The following IMMP2L variants were observed in gnomAD, a reference collection of about 807,000 sequenced individuals.
IMMP2L encodes the protein mitochondrial inner membrane protease subunit 2.
A neutral mutation model predicts 19.3 loss-of-function variants in IMMP2L; 18 were observed. The observed-to-expected ratio is 0.93, with a 90% CI of 0.64 to 1.38. The LOEUF is 1.38. IMMP2L is among the 40% of genes most tolerant of loss of function. The pLI is 0.00. For synonymous variants in IMMP2L, 76 were observed against 73.0 expected (o/e 1.04, Z -0.21); for missense variants, 233 against 218.2 (o/e 1.07, Z -0.43).
intron 3 of IMMP2L, among the ~76,000 whole-genome samples, chr7:111,101,287 C>A (rs974503691): frequency 6.6e-6 from 1 of 151,310 alleles, no homozygotes; most frequent in African/African-American, 2.4e-5. Flanking sequence ...ATAGATACAT[C>A]CCTAGTCATT....
At chr7:111,395,212 C>T (rs1832748788) in intron 3 of IMMP2L, among the ~76,000 whole-genome samples, 1 of 152,096 alleles carries the variant, frequency 6.6e-6, no homozygotes, top group Non-Finnish European at 1.5e-5. Context: ...GCAGGTGTGG[C>T]CAATTGCCTC....
chr7:110,871,733 T>A (rs2129543873), intron 5 of IMMP2L, among the ~76,000 whole-genome samples: 1 of 152,292 alleles, frequency 6.6e-6, no homozygotes, highest in East Asian at 1.9e-4. Context: ...AGAACTTTAA[T>A]AGTTCTTAAT....
Position 111,521,313 on chromosome 7 carries a change from C to T in IMMP2L, c.135G>A (p.Gln45=), listed in dbSNP as rs756203957. 8 of 1,610,768 alleles carry T rather than the reference C, an allele frequency of 5.0e-6. No homozygotes were observed. The South Asian group carries it at 7.7e-5, about 16-fold the overall frequency. The change falls in exon 2 of 6, where the codon CAG becomes CAA. Residue 45 remains glutamine (Q), a splice_region_variant and synonymous_variant. Transcript: ENST00000405709. ...CVARVEGASM[Q]PSLNPGGSQS... ...AAGAACGAAGTTATATCATTTTCAC[C>T]TGCATCGATGCTCCTTCTACTCTTG... is the stretch of plus-strand genomic sequence containing the variant.
chr7:111,437,551 G>A (rs766637625), intron 3 of IMMP2L, among the ~76,000 whole-genome samples: 4 of 151,836 alleles, frequency 2.6e-5, no homozygotes, highest in Non-Finnish European at 4.4e-5. Flanking sequence ...ACGCAAAAAC[G>A]ATAACGTCTA....
chr7:111,350,545 T>A (rs550022207), intron 3 of IMMP2L, among the ~76,000 whole-genome samples: 1 of 152,040 alleles, frequency 6.6e-6, no homozygotes, highest in Admixed American at 6.6e-5. Context: ...TCTAGGCATA[T>A]AATAATTATC....
chr7:110,834,725 T>C, intron 5 of IMMP2L, among the ~76,000 whole-genome samples: 1 of 152,308 alleles, frequency 6.6e-6, no homozygotes, highest in South Asian at 2.1e-4. Context: ...GTGCAAAGTA[T>C]GAAAGTAGAC....
At chr7:111,209,704 C>A (rs754659919) in intron 3 of IMMP2L, among the ~76,000 whole-genome samples, 3 of 152,170 alleles carry the variant, frequency 2.0e-5, no homozygotes, top group Non-Finnish European at 4.4e-5. Context: ...AGACTGATCA[C>A]TCTAGCAACA....
intron 3 of IMMP2L, among the ~76,000 whole-genome samples, chr7:110,977,288 A>C (rs1328708190): frequency 6.6e-6 from 1 of 151,964 alleles, no homozygotes; most frequent in African/African-American, 2.4e-5. Context: ...CACCTTGAGC[A>C]AGTCATTTAG....
intron 3 of IMMP2L, among the ~76,000 whole-genome samples, chr7:111,106,446 G>GA (rs1586305250): frequency 6.6e-6 from 1 of 151,758 alleles, no homozygotes; most frequent in Non-Finnish European, 1.5e-5. Flanking sequence ...AACTCTCTAA[G>GA]AAAAACAGTC....
At chr7:110,764,052 C>A (rs142504519) in intron 5 of IMMP2L, among the ~76,000 whole-genome samples, 46 of 151,970 alleles carry the variant, frequency 3.0e-4, no homozygotes, top group Non-Finnish European at 7.4e-5. Context: ...TTCACAGAAG[C>A]CTTAAATGAA....
At chr7:111,045,380 C>T (rs913383326) in intron 3 of IMMP2L, among the ~76,000 whole-genome samples, 5 of 152,266 alleles carry the variant, frequency 3.3e-5, no homozygotes, top group Admixed American at 6.5e-5. Context: ...TGGATTCTTC[C>T]AAAAGCCTCT....
rs1318541621 is a variant in IMMP2L at position 111,123,285 on chromosome 7, C to G, written c.240-159720G>C. ...TACATAATCTTCTTCGACTTCATCTCAATTCAAATAGATTGCAGATGATCA... is the reference window on the plus strand; with the variant it reads ...TACATAATCTTCTTCGACTTCATCTGAATTCAAATAGATTGCAGATGATCA... On this transcript the variant is annotated intron_variant, in intron 3 of 5. Transcript: ENST00000405709. This position sits in a 1 kb window ranked among gnomAD's most constrained non-coding sequence, Gnocchi z 6.4. 1 of 1,613,626 alleles carries G rather than the reference C, an allele frequency of 6.2e-7. No homozygotes were observed. Among genetic ancestry groups the G allele is most frequent in the Non-Finnish European group, 8.5e-7 (1 of 1,179,898 alleles).
intron 1 of IMMP2L, chr7:111,532,527 T>G (rs1244735137): frequency 6.6e-6 from 1 of 152,134 alleles, no homozygotes; most frequent in Non-Finnish European, 1.5e-5. Context: ...CAACATGGCT[T>G]TTCCTTTGAT....
At chr7:111,442,724 A>G (rs1200811460) in intron 3 of IMMP2L, among the ~76,000 whole-genome samples, 3 of 151,900 alleles carry the variant, frequency 2.0e-5, no homozygotes, top group African/African-American at 7.3e-5. Flanking sequence ...AGCACATGAT[A>G]CTATAATGTT....
At chr7:111,162,051 G>A (rs1050928074) in intron 3 of IMMP2L, among the ~76,000 whole-genome samples, 1 of 151,936 alleles carries the variant, frequency 6.6e-6, no homozygotes, top group African/African-American at 2.4e-5. Flanking sequence ...TCCAAATGAC[G>A]GTCTGCTCTG....
chr7:111,304,492 T>G (rs866942316), intron 3 of IMMP2L, among the ~76,000 whole-genome samples: 1 of 151,998 alleles, frequency 6.6e-6, no homozygotes, highest in East Asian at 1.9e-4. Context: ...TGTGAGCCCA[T>G]AGGTGTGTAT....
intron 5 of IMMP2L, among the ~76,000 whole-genome samples, chr7:110,668,564 C>T (rs1791617838): frequency 6.6e-6 from 1 of 152,190 alleles, no homozygotes; most frequent in Non-Finnish European, 1.5e-5. Flanking sequence ...GCTTTGGACT[C>T]AGTTTTGGGC....
chr7:110,980,815 GCTT>G (rs1821222630), intron 3 of IMMP2L, among the ~76,000 whole-genome samples: 1 of 152,136 alleles, frequency 6.6e-6, no homozygotes, highest in South Asian at 2.1e-4. Context: ...ATACAGATGA[GCTT>G]CTATGCTATT....
intron 5 of IMMP2L, among the ~76,000 whole-genome samples, chr7:110,745,299 G>A (rs1797259872): frequency 6.6e-6 from 1 of 152,184 alleles, no homozygotes; most frequent in South Asian, 2.1e-4. Context: ...AAGTGACGGG[G>A]AGAATGGAAC....
Sources: gnomAD v4.1 joint callset for allele counts (sites outside exome capture counted in the v4.1 genomes callset) on GRCh38, gnomAD v4.1.1 for gene constraint, Gnocchi (gnomAD v3.1) non-coding constraint, MANE v1.5 for transcripts, NCBI Gene and HGNC (gene_info 2026-07-23, HGNC 2026-07-21) for gene names.